OPCML: variants seen among roughly 807,000 people sequenced by gnomAD.
OPCML encodes the protein opioid binding protein/cell adhesion molecule like, also known as opioid-binding protein/cell adhesion molecule.
A neutral mutation model predicts 37.8 loss-of-function variants in OPCML; 13 were observed. The ratio of observed to expected loss-of-function variants is 0.34; its 90% CI spans 0.22 to 0.55. The LOEUF is 0.55. OPCML is among the 20% of genes least tolerant of loss of function. The pLI is 0.91. For missense variants in OPCML, 341 were observed against 435.6 expected (o/e 0.78, Z 1.93); for synonymous variants, 176 against 168.8 (o/e 1.04, Z -0.33).
chr11:132,820,336 T>C (rs1241793681), intron 2 of OPCML, among the ~76,000 whole-genome samples: 1 of 152,166 alleles, frequency 6.6e-6, no homozygotes, highest in African/African-American at 2.4e-5. Context: ...TTATTCCATA[T>C]GTAGGTATTT....
chr11:133,015,945 G>A (rs985960944), intron 1 of OPCML, among the ~76,000 whole-genome samples: 2 of 151,994 alleles, frequency 1.3e-5, no homozygotes, highest in African/African-American at 4.8e-5. Flanking sequence ...TTCACCCCTA[G>A]CATACCAAGC....
At chr11:132,665,802 A>T (rs779131893) in intron 2 of OPCML, among the ~76,000 whole-genome samples, 10 of 152,200 alleles carry the variant, frequency 6.6e-5, no homozygotes, top group South Asian at 2.1e-4. Flanking sequence ...AGGTTGAAAT[A>T]AAAATAACAA....
intron 1 of OPCML, among the ~76,000 whole-genome samples, chr11:133,116,965 C>A (rs1379688149): frequency 6.6e-6 from 1 of 152,000 alleles, no homozygotes; most frequent in Non-Finnish European, 1.5e-5. Flanking sequence ...TGGAATTATA[C>A]TGTAGAAGAT....
intron 1 of OPCML, among the ~76,000 whole-genome samples, chr11:133,245,552 CTGAGT>C (rs1324001731): frequency 6.6e-6 from 1 of 152,174 alleles, no homozygotes; most frequent in Non-Finnish European, 1.5e-5. Context: ...CCTGGAATGA[CTGAGT>C]TAAGGCCTTC....
intron 2 of OPCML, among the ~76,000 whole-genome samples, chr11:132,727,488 C>G (rs1045094789): frequency 6.6e-6 from 1 of 152,178 alleles, no homozygotes; most frequent in Non-Finnish European, 1.5e-5. Flanking sequence ...TAGCCATGGG[C>G]CTTTCCTGTG....
At chr11:133,271,728 T>G (rs934416724) in intron 1 of OPCML, among the ~76,000 whole-genome samples, 2 of 152,222 alleles carry the variant, frequency 1.3e-5, no homozygotes, top group Non-Finnish European at 2.9e-5. Flanking sequence ...CAAAAACTAC[T>G]ACAAATATAA....
chr11:132,748,820 G>A (rs1945734322), intron 2 of OPCML, among the ~76,000 whole-genome samples: 2 of 152,194 alleles, frequency 1.3e-5, no homozygotes. Context: ...CCAGATGGGA[G>A]GTGAGCACAG....
intron 2 of OPCML, among the ~76,000 whole-genome samples, chr11:132,855,596 G>C (rs900690212): frequency 6.6e-6 from 1 of 152,166 alleles, no homozygotes; most frequent in African/African-American, 2.4e-5. Context: ...GTAACTCCAT[G>C]TTTAACATTT....
chr11:132,496,958 AAGC>A (rs2096233167), intron 4 of OPCML, among the ~76,000 whole-genome samples: 1 of 152,202 alleles, frequency 6.6e-6, no homozygotes, highest in Non-Finnish European at 1.5e-5. Flanking sequence ...CTTAATTTAA[AAGC>A]CTAACAATGA....
Position 133,458,594 on chromosome 11 carries a change from C to CACTGTGTGTGTATACACATATAT in OPCML, c.61+73669_61+73670insATATATGTGTATACACACACAGT, listed in dbSNP as rs1946767222. On this transcript the variant is annotated intron_variant, in intron 1 of 7. Transcript: ENST00000524381. Reference sequence around the variant, plus strand: ...ATACACGTGTGTGTACACATATATACACGTGTGTGTGTGTATACACATATA... The same window carrying CACTGTGTGTGTATACACATATAT: ...ATACACGTGTGTGTACACATATATACACTGTGTGTGTATACACATATATACGTGTGTGTGTGTATACACATATA... Among the ~76,000 whole-genome samples the CACTGTGTGTGTATACACATATAT allele has an allele frequency of 2.7e-5, 3 of 109,622 alleles. 1 individual carries two copies. The highest frequency in any genetic ancestry group is 2.6e-4 in the African/African-American group (3 of 11,618). The allele number at this position is 109,622 out of a possible 152,430, so 71.9% of individuals were successfully genotyped here. A position where few individuals can be genotyped will look rare whatever the true frequency, so the allele number is the denominator to read the frequency against.
chr11:133,447,032 A>G (rs769471251), intron 1 of OPCML, among the ~76,000 whole-genome samples: 1 of 152,176 alleles, frequency 6.6e-6, no homozygotes, highest in Non-Finnish European at 1.5e-5. Context: ...CTTTTCATTT[A>G]TCTTAGATAG....
intron 1 of OPCML, among the ~76,000 whole-genome samples, chr11:133,364,394 C>T (rs1317907881): frequency 2.0e-5 from 3 of 152,164 alleles, no homozygotes; most frequent in Non-Finnish European, 4.4e-5. Flanking sequence ...GGTGGGAGCC[C>T]TGGTCTGATC....
chr11:133,204,058 C>CAAAAAAAAAA lies in OPCML; in HGVS notation c.62-261058_62-261049dup, dbSNP rs58343203. Among the ~76,000 whole-genome samples, 55 of 66,496 alleles carry CAAAAAAAAAA rather than the reference C, an allele frequency of 8.3e-4. 2 individuals are homozygous for CAAAAAAAAAA. Among genetic ancestry groups the CAAAAAAAAAA allele is most frequent in the African/African-American group, 1.2e-3 (23 of 18,506 alleles). 43.6% of individuals were successfully genotyped at this position (66,496 alleles called of 152,430 possible). A position where few individuals can be genotyped will look rare whatever the true frequency, so the allele number is the denominator to read the frequency against. ...GGGGGGACAGAGCGAGACTCTGTCT[C>CAAAAAAAAAA]AAAAAAAAAAAAAAAAAAAAAAAAA... On this transcript the variant is annotated intron_variant, in intron 1 of 7. Transcript: ENST00000524381.
chr11:133,377,806 G>T (rs1318707062), intron 1 of OPCML, among the ~76,000 whole-genome samples: 1 of 152,004 alleles, frequency 6.6e-6, no homozygotes, highest in Non-Finnish European at 1.5e-5. Flanking sequence ...CCTAGTGCGG[G>T]TCCTGTTTCC....
chr11:132,950,665 T>C (rs1325345922), intron 1 of OPCML, among the ~76,000 whole-genome samples: 2 of 152,192 alleles, frequency 1.3e-5, no homozygotes, highest in Non-Finnish European at 2.9e-5. Context: ...CTCTGCTGTG[T>C]GCATTTTTGG....
intron 1 of OPCML, among the ~76,000 whole-genome samples, chr11:133,059,226 C>G (rs541824509): frequency 6.6e-6 from 1 of 152,250 alleles, no homozygotes; most frequent in African/African-American, 2.4e-5. Context: ...AGATAAAGCT[C>G]AAGGAAGACA....
At chr11:132,673,898 T>A (rs1784506) in intron 2 of OPCML, among the ~76,000 whole-genome samples, 2 of 152,052 alleles carry the variant, frequency 1.3e-5, no homozygotes, top group Non-Finnish European at 2.9e-5. Flanking sequence ...TCTATCCCAT[T>A]CCTTCCTTCC....
intron 1 of OPCML, among the ~76,000 whole-genome samples, chr11:133,469,145 T>TA (rs1373481963): frequency 1.3e-5 from 2 of 152,256 alleles, no homozygotes; most frequent in Admixed American, 1.3e-4. Context: ...GAAATACTTG[T>TA]ATCTTTATAC....
intron 1 of OPCML, among the ~76,000 whole-genome samples, chr11:133,158,056 A>G (rs1216181464): frequency 2.0e-5 from 3 of 152,200 alleles, no homozygotes; most frequent in African/African-American, 7.2e-5. Flanking sequence ...TTTGTCTTCA[A>G]TGTGCATTTG....
Sources: gnomAD v4.1 joint callset for allele counts (sites outside exome capture counted in the v4.1 genomes callset) on GRCh38, gnomAD v4.1.1 for gene constraint, MANE v1.5 for transcripts, NCBI Gene and HGNC (gene_info 2026-07-23, HGNC 2026-07-21) for gene names.